Variants in ATAD5 observed in about 807,000 individuals in gnomAD.
ATAD5 encodes ATPase family AAA domain-containing protein 5.
Under a neutral mutation model 176.9 loss-of-function variants are expected in ATAD5, and 58 were observed. That is an observed-to-expected ratio of 0.33 (90% CI 0.27 to 0.41). The LOEUF (loss-of-function observed/expected upper bound fraction) is 0.41. ATAD5 is among the 10% of genes least tolerant of loss of function. The pLI is 1.00. For missense variants in ATAD5, 1,789 were observed against 2,094.1 expected (o/e 0.85, Z 2.84); for synonymous variants, 640 against 712.6 (o/e 0.90, Z 1.62).
At chr17:30,866,535 C>G (rs191685892) in intron 11 of ATAD5, among the ~76,000 whole-genome samples, 58 of 150,816 alleles carry the variant, frequency 3.8e-4, no homozygotes, top group Non-Finnish European at 7.2e-4. Flanking sequence ...TAAGTGATGG[C>G]CCAGTGCAGT....
intron 6 of ATAD5, among the ~76,000 whole-genome samples, chr17:30,853,269 A>G (rs114427311): frequency 0.027 from 4,050 of 152,218 alleles, 198 homozygotes; most frequent in African/African-American, 0.092. Context: ...GTACACACAA[A>G]CATTTAAAAC....
intron 4 of ATAD5, among the ~76,000 whole-genome samples, chr17:30,842,213 G>A (rs1334965769): frequency 6.6e-6 from 1 of 152,010 alleles, no homozygotes; most frequent in Non-Finnish European, 1.5e-5. Flanking sequence ...AGGTTGCAGT[G>A]AGCTGAGACC....
chr17:30,882,316 A>G (rs1038787170), intron 18 of ATAD5, among the ~76,000 whole-genome samples: 14 of 152,146 alleles, frequency 9.2e-5, no homozygotes, highest in African/African-American at 3.4e-4. Context: ...TAATCCTAGC[A>G]CTTTTGGAGG....
At position 30,832,306 on chromosome 17, in the gene ATAD5, C is replaced by G. The variant is rs1181991019; in HGVS notation, c.-42C>G. On this transcript the variant is annotated 5_prime_UTR_variant, in exon 1 of 23. Coordinates refer to ENST00000321990, the MANE Select transcript of ATAD5 (RefSeq NM_024857.5). ...GGCCTCCAGGCAGGCCGGGCTGGAC[C>G]GCGTGAGGTCCTAGGAGACGGGATT... 1.4e-6 allele frequency: 2 copies of G among 1,480,944 alleles called. No homozygotes were observed. The highest frequency in any genetic ancestry group is 1.8e-6 in the Non-Finnish European group (2 of 1,107,872). The allele number at this position is 1,480,944 out of a possible 1,614,324, so 91.7% of individuals were successfully genotyped here.
intron 6 of ATAD5, among the ~76,000 whole-genome samples, chr17:30,848,513 C>T (rs1302314154): frequency 6.6e-6 from 1 of 152,160 alleles, no homozygotes; most frequent in East Asian, 1.9e-4. Flanking sequence ...CCCACCTTGG[C>T]CTCCCAAAGT....
At chr17:30,832,871 C>T (rs1905466926) in intron 1 of ATAD5, among the ~76,000 whole-genome samples, 1 of 152,172 alleles carries the variant, frequency 6.6e-6, no homozygotes, top group African/African-American at 2.4e-5. Flanking sequence ...AAGCAAGGTA[C>T]TTAAAGAAAA....
intron 18 of ATAD5, among the ~76,000 whole-genome samples, chr17:30,885,623 CTT>C (rs778733612): frequency 3.2e-5 from 3 of 93,810 alleles, no homozygotes; most frequent in African/African-American, 8.0e-5. Context: ...TTCCAACTTT[CTT>C]TTTTTTTTTT....
At chr17:30,883,801 G>A (rs761480141) in intron 18 of ATAD5, among the ~76,000 whole-genome samples, 5 of 151,848 alleles carry the variant, frequency 3.3e-5, no homozygotes, top group Admixed American at 6.6e-5. Context: ...CGCCCGTCTC[G>A]GCCTCCCAAA....
At position 30,895,760 on chromosome 17, in the gene ATAD5, AAGAT is replaced by A. The variant is rs915918342; in HGVS notation, c.*853_*856del. The A allele has an allele frequency of 2.6e-5, 4 of 152,134 alleles. No homozygotes were observed. The highest frequency in any genetic ancestry group is 5.9e-5 in the Non-Finnish European group (4 of 68,026). 9.4% of individuals were successfully genotyped at this position (152,134 alleles called of 1,614,324 possible). On this transcript the variant is annotated 3_prime_UTR_variant, in exon 23 of 23. Coordinates refer to ENST00000321990, the MANE Select transcript of ATAD5 (RefSeq NM_024857.5). Reference sequence around the variant, plus strand: ...GCATACCTGTTTACAAATGTGTATGAAGATAGATATTTTTACCTCTTATTTGTTC... The same window carrying A: ...GCATACCTGTTTACAAATGTGTATGAAGATATTTTTACCTCTTATTTGTTC...
intron 18 of ATAD5, among the ~76,000 whole-genome samples, chr17:30,883,546 T>G (rs1909147030): frequency 6.6e-6 from 1 of 152,028 alleles, no homozygotes; most frequent in African/African-American, 2.4e-5. Context: ...GTAGTAAAAT[T>G]AATTATTATT....
intron 6 of ATAD5, among the ~76,000 whole-genome samples, chr17:30,851,619 GA>G (rs1906975715): frequency 6.6e-6 from 1 of 152,090 alleles, no homozygotes; most frequent in Non-Finnish European, 1.5e-5. Context: ...GTCAAGACAG[GA>G]GGACTGCTTT....
chr17:30,886,881 C>G (rs1909355229), intron 18 of ATAD5, among the ~76,000 whole-genome samples: 2 of 152,088 alleles, frequency 1.3e-5, no homozygotes, highest in African/African-American at 4.8e-5. Flanking sequence ...TCAAGCTATA[C>G]TGTTACTTAA....
At chr17:30,874,459 T>C (rs1908532881) in intron 14 of ATAD5, among the ~76,000 whole-genome samples, 1 of 143,264 alleles carries the variant, frequency 7.0e-6, no homozygotes, top group Non-Finnish European at 1.5e-5. Context: ...GAGAATTACT[T>C]GAACCCGGAA....
Position 30,837,209 on chromosome 17 carries a change from G to GAAT in ATAD5, c.1973_1974insTAA (p.Met657_Lys658insAsn), listed in dbSNP as rs763747269. ...GAATACCTTATTTTTATTTCAGAAT[G>GAAT]AAATTCACCAGAATTAGTACTCCCA... On this transcript the variant is annotated inframe_insertion, in exon 3 of 23. Transcript: ENST00000321990. The GAAT allele has an allele frequency of 2.7e-6, 4 of 1,481,326 alleles. No individual in the cohort carries two copies. The Admixed American group carries it at 9.0e-5, about 33-fold the overall frequency. 91.8% of individuals were successfully genotyped at this position (1,481,326 alleles called of 1,614,324 possible).
At chr17:30,890,008 A>G (rs1427569701) in intron 19 of ATAD5, among the ~76,000 whole-genome samples, 1 of 148,308 alleles carries the variant, frequency 6.7e-6, no homozygotes, top group East Asian at 2.0e-4. Flanking sequence ...TTCCGCCCTG[A>G]GCCTCCTGAG....
At chr17:30,854,467 G>A (rs1295643129) in intron 6 of ATAD5, among the ~76,000 whole-genome samples, 3 of 149,642 alleles carry the variant, frequency 2.0e-5, no homozygotes, top group Non-Finnish European at 4.4e-5. Context: ...TGCCCCCTGG[G>A]TTTAAGCCAT....
chr17:30,890,785 AAC>A (rs1233986358), intron 19 of ATAD5, among the ~76,000 whole-genome samples: 2 of 152,222 alleles, frequency 1.3e-5, no homozygotes, highest in South Asian at 2.1e-4. Flanking sequence ...TTAAAAAAAA[AAC>A]AGATACATAA....
At chr17:30,878,717 T>TG (rs1908812284) in intron 17 of ATAD5, among the ~76,000 whole-genome samples, 1 of 97,538 alleles carries the variant, frequency 1.0e-5, no homozygotes, top group Non-Finnish European at 2.1e-5. Context: ...AGTTAGGTGG[T>TG]GTTTTTTTTT....
At chr17:30,840,547 T>C in intron 3 of ATAD5, 70 bp from the exon 4 acceptor site, 1 of 1,085,524 alleles carries the variant, frequency 9.2e-7, no homozygotes, top group Middle Eastern at 3.3e-4. Flanking sequence ...TTTGTGATTG[T>C]ATTTTTTTCT....
Sources: allele counts gnomAD v4.1 joint callset (sites outside exome capture counted in the v4.1 genomes callset), GRCh38; gene constraint gnomAD v4.1.1; transcripts MANE v1.5; gene names NCBI Gene and HGNC (gene_info 2026-07-23, HGNC 2026-07-21).